CDH4: variants seen among roughly 807,000 people sequenced by gnomAD.
CDH4 encodes cadherin 4.
In CDH4, 33 loss-of-function variants were observed where a neutral mutation model predicts 86.0. That is an observed-to-expected ratio of 0.38 (90% CI 0.29 to 0.51). CDH4 has a LOEUF of 0.51. Among genes scored for constraint, CDH4 ranks in the 20% least tolerant of loss-of-function variants. The pLI is 0.86. For missense variants in CDH4, 1,114 were observed against 1,307.4 expected (o/e 0.85, Z 2.28); for synonymous variants, 555 against 549.4 (o/e 1.01, Z -0.14).
At chr20:61,597,462 A>G (rs191520533) in intron 2 of CDH4, among the ~76,000 whole-genome samples, 1 of 151,922 alleles carries the variant, frequency 6.6e-6, no homozygotes, top group Admixed American at 6.6e-5. Context: ...TGCACCTTCC[A>G]CCTTCCCCAG....
chr20:61,461,127 C>T (rs1010038668), intron 2 of CDH4, among the ~76,000 whole-genome samples: 6 of 151,960 alleles, frequency 3.9e-5, no homozygotes, highest in African/African-American at 1.2e-4. Context: ...ATGTTGGAAC[C>T]TCCCCTTCCC....
At chr20:61,767,722 G>A (rs573285760) in intron 3 of CDH4, among the ~76,000 whole-genome samples, 1 of 152,306 alleles carries the variant, frequency 6.6e-6, no homozygotes, top group South Asian at 2.1e-4. Context: ...AAAGGCACAG[G>A]GAAGAGGAGG....
chr20:61,885,130 C>T (rs1002952212), intron 7 of CDH4, among the ~76,000 whole-genome samples: 25 of 152,298 alleles, frequency 1.6e-4, no homozygotes, highest in African/African-American at 5.8e-4. Context: ...CTGAAGTCGA[C>T]ACATAGCACG....
chr20:61,715,223 A>G (rs911968432), intron 2 of CDH4, among the ~76,000 whole-genome samples: 1 of 152,156 alleles, frequency 6.6e-6, no homozygotes, highest in Admixed American at 6.5e-5. Context: ...AGAAGTGTCT[A>G]TTCATGTCAT....
intron 2 of CDH4, among the ~76,000 whole-genome samples, chr20:61,339,610 G>A (rs565091244): frequency 6.6e-6 from 1 of 152,218 alleles, no homozygotes; most frequent in South Asian, 2.1e-4. Context: ...GAATTATTGA[G>A]TCCAGATAAA....
intron 4 of CDH4, among the ~76,000 whole-genome samples, chr20:61,819,191 A>C (rs1182458858): frequency 6.6e-6 from 1 of 152,160 alleles, no homozygotes; most frequent in East Asian, 1.9e-4. Flanking sequence ...ACCCCCTCAG[A>C]CAGCCCCACG....
intron 2 of CDH4, among the ~76,000 whole-genome samples, chr20:61,263,919 G>T (rs968939073): frequency 5.3e-5 from 8 of 151,930 alleles, no homozygotes; most frequent in African/African-American, 1.9e-4. Context: ...GGTCATTGAG[G>T]GTCACTGGTC....
At chr20:61,531,684 T>A (rs1223398052) in intron 2 of CDH4, among the ~76,000 whole-genome samples, 1 of 152,152 alleles carries the variant, frequency 6.6e-6, no homozygotes, top group African/African-American at 2.4e-5. Context: ...GCCAAGTGCA[T>A]GCGTGGACAT....
intron 2 of CDH4, among the ~76,000 whole-genome samples, chr20:61,562,314 C>T (rs1352795107): frequency 5.0e-5 from 5 of 99,064 alleles, no homozygotes; most frequent in African/African-American, 1.4e-4. Context: ...AGAGGGACCT[C>T]TGTGTGGAGA....
intron 2 of CDH4, among the ~76,000 whole-genome samples, chr20:61,336,432 A>G (rs1233521738): frequency 6.6e-6 from 1 of 151,978 alleles, no homozygotes; most frequent in Admixed American, 6.6e-5. Context: ...CACCACCACC[A>G]CCACGACCAT....
chr20:61,590,414 A>G (rs1031910287), intron 2 of CDH4, among the ~76,000 whole-genome samples: 1 of 152,318 alleles, frequency 6.6e-6, no homozygotes, highest in South Asian at 2.1e-4. Flanking sequence ...GGTCAGGTTC[A>G]GGCGTCTACT....
At chr20:61,318,574 C>T (rs984159025) in intron 2 of CDH4, among the ~76,000 whole-genome samples, 7 of 152,234 alleles carry the variant, frequency 4.6e-5, no homozygotes, top group Middle Eastern at 3.4e-3. Context: ...TGTGGGCATG[C>T]GCTCTAGAAG....
intron 13 of CDH4, 114 bp downstream of exon 13, chr20:61,929,956 C>T (rs1244579980): frequency 5.2e-6 from 4 of 773,258 alleles, no homozygotes; most frequent in Non-Finnish European, 2.2e-6. Context: ...CATCTCTCAG[C>T]CTCATCTGTC....
At chr20:61,350,601 C>T (rs2084706201) in intron 2 of CDH4, among the ~76,000 whole-genome samples, 1 of 151,644 alleles carries the variant, frequency 6.6e-6, no homozygotes, top group Non-Finnish European at 1.5e-5. Flanking sequence ...AGCGGGACAC[C>T]TCTGACCTTG....
chr20:61,827,392 G>A (rs1981375026), intron 4 of CDH4, among the ~76,000 whole-genome samples: 1 of 152,250 alleles, frequency 6.6e-6, no homozygotes, highest in South Asian at 2.1e-4. Flanking sequence ...GGGATTTATT[G>A]GTATTGCTAT....
At chr20:61,356,497 A>G (rs953672326) in intron 2 of CDH4, among the ~76,000 whole-genome samples, 4 of 152,128 alleles carry the variant, frequency 2.6e-5, no homozygotes, top group African/African-American at 9.7e-5. Flanking sequence ...TTATCTCCTC[A>G]CCATTAATTG....
At chr20:61,514,543 G>T (rs780228422) in intron 2 of CDH4, among the ~76,000 whole-genome samples, 1 of 152,230 alleles carries the variant, frequency 6.6e-6, no homozygotes, top group Non-Finnish European at 1.5e-5. Context: ...CTCAGGGCTC[G>T]CTGGGTGCCT....
intron 2 of CDH4, among the ~76,000 whole-genome samples, chr20:61,550,193 C>T (rs1283285734): frequency 7.3e-6 from 1 of 137,152 alleles, no homozygotes; most frequent in East Asian, 2.0e-4. Flanking sequence ...AGCCTGCTTC[C>T]CTGGCCTCCC....
chr20:61,418,503 G>T (rs749726592), intron 2 of CDH4, among the ~76,000 whole-genome samples: 1 of 152,124 alleles, frequency 6.6e-6, no homozygotes, highest in South Asian at 2.1e-4. Context: ...GAGCCACCGC[G>T]CCTGGCCAAA....
Sources: gnomAD v4.1 joint callset for allele counts (sites outside exome capture counted in the v4.1 genomes callset) on GRCh38, gnomAD v4.1.1 for gene constraint, MANE v1.5 for transcripts, NCBI Gene and HGNC (gene_info 2026-07-23, HGNC 2026-07-21) for gene names.